NCK2: variants seen among roughly 807,000 people sequenced by gnomAD.
NCK2 encodes NCK adaptor protein 2.
NCK2 carries 16 observed loss-of-function variants against 33.9 expected under a neutral mutation model. The observed-to-expected ratio is 0.47, with a 90% CI of 0.32 to 0.72. NCK2 has a LOEUF of 0.72. Ranked by LOEUF, NCK2 falls within the 30% of genes least tolerant of loss-of-function variation. The pLI is 0.03. For synonymous variants in NCK2, 273 were observed against 239.9 expected (o/e 1.14, Z -1.27); for missense variants, 418 against 537.3 (o/e 0.78, Z 2.19).
intron 2 of NCK2, among the ~76,000 whole-genome samples, chr2:105,829,960 G>A (rs1365317512): frequency 1.3e-5 from 2 of 151,978 alleles, no homozygotes; most frequent in African/African-American, 2.4e-5. Context: ...TTTCTTCACT[G>A]GATCTGTTTA....
At chr2:105,819,963 C>T (rs559420415) in intron 2 of NCK2, among the ~76,000 whole-genome samples, 1 of 152,250 alleles carries the variant, frequency 6.6e-6, no homozygotes, top group African/African-American at 2.4e-5. Context: ...TTTCCCCATG[C>T]CCTTTCAGGA....
chr2:105,857,846 T>A (rs2104591830), intron 3 of NCK2, among the ~76,000 whole-genome samples: 1 of 152,328 alleles, frequency 6.6e-6, no homozygotes, highest in East Asian at 1.9e-4. Context: ...CCTTGCCCTG[T>A]TGAGCTGCAT....
At chr2:105,810,526 G>GTCAC (rs1384046848) in intron 1 of NCK2, among the ~76,000 whole-genome samples, 1 of 152,150 alleles carries the variant, frequency 6.6e-6, no homozygotes, top group Non-Finnish European at 1.5e-5. Context: ...TACTGGTGTT[G>GTCAC]TCACTACCTA....
At chr2:105,857,718 G>A (rs529239546) in intron 3 of NCK2, among the ~76,000 whole-genome samples, 6 of 152,356 alleles carry the variant, frequency 3.9e-5, no homozygotes, top group Non-Finnish European at 5.9e-5. Context: ...CAGTATCCCC[G>A]TCATGAGGGA....
intron 1 of NCK2, among the ~76,000 whole-genome samples, chr2:105,791,304 G>A (rs1482998208): frequency 1.3e-5 from 2 of 152,154 alleles, no homozygotes; most frequent in African/African-American, 4.8e-5. Context: ...TAAGAAACTG[G>A]TCATTTTTTA....
At chr2:105,835,360 G>GTT (rs1676349472) in intron 2 of NCK2, among the ~76,000 whole-genome samples, 1 of 44,074 alleles carries the variant, frequency 2.3e-5, no homozygotes, top group Admixed American at 3.1e-4. Context: ...TTCTTGGCTG[G>GTT]TTTTATATAT....
At chr2:105,744,469 C>T (rs796132191), upstream of NCK2, among the ~76,000 whole-genome samples, 1 of 152,126 alleles carries the variant, frequency 6.6e-6, no homozygotes. Context: ...ATAAGAACAA[C>T]GAACAAACAA....
chr2:105,827,475 C>T (rs910073973), intron 2 of NCK2, among the ~76,000 whole-genome samples: 19 of 152,150 alleles, frequency 1.2e-4, no homozygotes, highest in Non-Finnish European at 2.6e-4. Context: ...GTCAGCAGGG[C>T]TATAGGAACA....
chr2:105,876,108 G>T (rs1678225811), intron 3 of NCK2, among the ~76,000 whole-genome samples: 1 of 152,076 alleles, frequency 6.6e-6, no homozygotes, highest in Non-Finnish European at 1.5e-5. Flanking sequence ...CCATTGGAAG[G>T]GTTTTGTAAC....
In NCK2 at chr2:105,748,526, C is replaced by T. The variant is rs150371533; in HGVS notation, c.-201+3388C>T. ...CAGGCAATCTTCCCACCTCAGCCTC[C>T]GAGTAGCTGGGACTACGGGTGTGCA... On this transcript the variant is annotated intron_variant, in intron 1 of 4. Transcript: ENST00000233154. Among the ~76,000 whole-genome samples, 224 of 152,232 alleles carry T rather than the reference C, an allele frequency of 1.5e-3. 2 individuals carry two copies. In the South Asian group the frequency reaches 0.015, roughly 10 times the overall value.
At chr2:105,761,385 A>G (rs1425827785) in intron 1 of NCK2, among the ~76,000 whole-genome samples, 1 of 152,138 alleles carries the variant, frequency 6.6e-6, no homozygotes, top group Non-Finnish European at 1.5e-5. Flanking sequence ...TAAGGCCATT[A>G]GCCTGTTTCT....
chr2:105,778,901 G>T (rs1295354804), intron 1 of NCK2, among the ~76,000 whole-genome samples: 2 of 151,678 alleles, frequency 1.3e-5, no homozygotes, highest in East Asian at 1.9e-4. Flanking sequence ...TGAGATAATG[G>T]TTATTTTTTT....
At chr2:105,876,896 C>T (rs1470831448) in intron 3 of NCK2, among the ~76,000 whole-genome samples, 1 of 152,178 alleles carries the variant, frequency 6.6e-6, no homozygotes. Flanking sequence ...GCCTGGACCA[C>T]TCAGGGACTT....
At chr2:105,812,623 G>A (rs116794386) in intron 1 of NCK2, among the ~76,000 whole-genome samples, 1 of 152,144 alleles carries the variant, frequency 6.6e-6, no homozygotes, top group East Asian at 1.9e-4. Context: ...GAGCTCTGAG[G>A]CCTATGCTAA....
chr2:105,805,800 T>C (rs2104455793), intron 1 of NCK2, among the ~76,000 whole-genome samples: 1 of 152,338 alleles, frequency 6.6e-6, no homozygotes, highest in Non-Finnish European at 1.5e-5. Context: ...TGAATAATAT[T>C]CTTGTGTGTG....
intron 1 of NCK2, among the ~76,000 whole-genome samples, chr2:105,761,588 C>G (rs1689765315): frequency 6.6e-6 from 1 of 152,112 alleles, no homozygotes; most frequent in South Asian, 2.1e-4. Flanking sequence ...AATGACTGGG[C>G]CAGGCAGAGT....
At chr2:105,755,646 G>A (rs1689578805) in intron 1 of NCK2, among the ~76,000 whole-genome samples, 1 of 151,852 alleles carries the variant, frequency 6.6e-6, no homozygotes, top group African/African-American at 2.4e-5. Flanking sequence ...TACTTGTGCA[G>A]GTACACGAAT....
intron 2 of NCK2, among the ~76,000 whole-genome samples, chr2:105,836,677 G>T (rs1185292538): frequency 6.6e-6 from 1 of 152,180 alleles, no homozygotes; most frequent in African/African-American, 2.4e-5. Flanking sequence ...TGCTGCTTGG[G>T]TTCAGGTGTT....
chr2:105,796,315 A>G (rs964682718), intron 1 of NCK2, among the ~76,000 whole-genome samples: 4 of 152,184 alleles, frequency 2.6e-5, no homozygotes, highest in Non-Finnish European at 4.4e-5. Flanking sequence ...GGCACACAGG[A>G]GAGTGCTGGA....
Sources: allele counts gnomAD v4.1 joint callset (sites outside exome capture counted in the v4.1 genomes callset), GRCh38; gene constraint gnomAD v4.1.1; transcripts MANE v1.5; gene names NCBI Gene and HGNC (gene_info 2026-07-23, HGNC 2026-07-21).